The following ABHD2 variants were observed in gnomAD, a reference collection of about 807,000 sequenced individuals.
The protein encoded by ABHD2 is abhydrolase domain containing 2, acylglycerol lipase.
A neutral mutation model predicts 48.1 loss-of-function variants in ABHD2; 20 were observed. That is an observed-to-expected ratio of 0.42 (90% CI 0.29 to 0.60). The LOEUF (loss-of-function observed/expected upper bound fraction) is 0.60. Among genes scored for constraint, ABHD2 ranks in the 20% least tolerant of loss-of-function variants. The pLI, the probability that ABHD2 is intolerant of heterozygous loss-of-function variation, is 0.24. For synonymous variants in ABHD2, 209 were observed against 214.2 expected (o/e 0.98, Z 0.21); for missense variants, 405 against 550.9 (o/e 0.74, Z 2.65).
chr15:89,143,917 G>A (rs931651675), intron 3 of ABHD2, among the ~76,000 whole-genome samples: 1 of 152,000 alleles, frequency 6.6e-6, no homozygotes, highest in African/African-American at 2.4e-5. Flanking sequence ...TGGGACTCTT[G>A]TATGTTCCTG....
At chr15:89,148,145 CATAAA>C (rs1034733551) in intron 3 of ABHD2, among the ~76,000 whole-genome samples, 6 of 129,406 alleles carry the variant, frequency 4.6e-5, no homozygotes, top group Non-Finnish European at 6.7e-5. Flanking sequence ...AAAAAAACTA[CATAAA>C]ATAAAGTTAA....
chr15:89,099,868 C>T (rs149806492), intron 1 of ABHD2, among the ~76,000 whole-genome samples: 3,217 of 152,070 alleles, frequency 0.021, 107 homozygotes, highest in African/African-American at 0.072. Context: ...AAGATCATGC[C>T]GCTGCACTCC....
rs1024118936 is a variant in ABHD2, at chr15:89,176,439, G to T, written c.722+444G>T. Among the ~76,000 whole-genome samples, 1 of 152,146 alleles carries T rather than the reference G, an allele frequency of 6.6e-6. No homozygotes were observed. The highest frequency in any genetic ancestry group is 1.5e-5 in the Non-Finnish European group (1 of 68,014). On this transcript the variant is annotated intron_variant, in intron 6 of 10. Coordinates refer to ENST00000352732, the MANE Select transcript of ABHD2 (RefSeq NM_152924.5). The surrounding 1 kb of genome is among the most constrained non-coding windows in gnomAD (Gnocchi z 4.5). ...CCCAGATGGCATCTGGAAGGGATCT[G>T]TAGAAATCATTTAATCAGTGTCCTC...
intron 9 of ABHD2, among the ~76,000 whole-genome samples, chr15:89,191,812 A>G (rs2051310925): frequency 6.6e-6 from 1 of 151,962 alleles, no homozygotes; most frequent in Non-Finnish European, 1.5e-5. Context: ...TATTTTTAGT[A>G]GAGATGGGGT....
At chr15:89,119,802 T>C (rs1318291823) in intron 3 of ABHD2, among the ~76,000 whole-genome samples, 4 of 152,236 alleles carry the variant, frequency 2.6e-5, no homozygotes, top group Non-Finnish European at 5.9e-5. Flanking sequence ...CCATAGTCTT[T>C]TTCTGTGTCA....
Position 89,167,283 on chromosome 15 carries a change from A to G in ABHD2, c.539-8529A>G, listed in dbSNP as rs1165940727. On this transcript the variant is annotated intron_variant, in intron 5 of 10. Transcript: ENST00000352732. The surrounding 1 kb of genome is among the most constrained non-coding windows in gnomAD (Gnocchi z 5.5). Reference sequence around the variant, plus strand: ...ATTTTGAATTGTATTCATAGTTATGAATTGTGTTGCCTCTGCATTAAACAG... The same window carrying G: ...ATTTTGAATTGTATTCATAGTTATGGATTGTGTTGCCTCTGCATTAAACAG... 1.3e-5 allele frequency among the ~76,000 whole-genome samples: 2 copies of G among 152,188 alleles called. No individual in the cohort carries two copies. Among genetic ancestry groups the G allele is most frequent in the Non-Finnish European group, 2.9e-5 (2 of 68,028 alleles).
chr15:89,146,382 G>GTGTC lies in ABHD2; in HGVS notation c.195-5292_195-5291insCTGT. Among the ~76,000 whole-genome samples the GTGTC allele has an allele frequency of 6.7e-6, 1 of 148,432 alleles. No homozygotes were observed. On this transcript the variant is annotated intron_variant, in intron 3 of 10. Coordinates refer to ENST00000352732, the MANE Select transcript of ABHD2 (RefSeq NM_152924.5). The surrounding 1 kb of genome is among the most constrained non-coding windows in gnomAD (Gnocchi z 4.2). ...TGTGTGTGTGTGTGTGTGTGTGTGT[G>GTGTC]TGTGTGTGTGTGTGTGTACGTATGT...
chr15:89,108,358 C>T (rs1476308719), intron 1 of ABHD2, among the ~76,000 whole-genome samples: 2 of 152,190 alleles, frequency 1.3e-5, no homozygotes, highest in Non-Finnish European at 2.9e-5. Context: ...TCCATCTTCA[C>T]GTGGCCTCCT....
At chr15:89,086,461 C>T (rs571527849), upstream of ABHD2, among the ~76,000 whole-genome samples, 71 of 152,296 alleles carry the variant, frequency 4.7e-4, no homozygotes, top group South Asian at 0.014. Flanking sequence ...GTGGCCCAGG[C>T]TGGAGTGCAG....
the ABHD2 span, among the ~76,000 whole-genome samples, chr15:89,057,957 G>T: frequency 6.6e-6 from 1 of 152,096 alleles, no homozygotes; most frequent in Non-Finnish European, 1.5e-5. Context: ...CCAGGACTAG[G>T]ACTCCCTAGC....
rs1400243385 is a variant in ABHD2, at chr15:89,177,406, G to T, written c.722+1411G>T. Among the ~76,000 whole-genome samples, 1 of 152,196 alleles carries T rather than the reference G, an allele frequency of 6.6e-6. No individual in the cohort carries two copies. ...ACTAGTGACTGCCTCACTTCATAAG[G>T]AATCACTTGGAGGATCATGTTAGAA... On this transcript the variant is annotated intron_variant, in intron 6 of 10. Transcript: ENST00000352732. The surrounding 1 kb of genome is among the most constrained non-coding windows in gnomAD (Gnocchi z 5.6).
chr15:89,142,905 T>G (rs1477383872), intron 3 of ABHD2, among the ~76,000 whole-genome samples: 1 of 152,296 alleles, frequency 6.6e-6, no homozygotes, highest in East Asian at 1.9e-4. Context: ...ATTTTGAATA[T>G]AAATATTTTC....
At chr15:89,163,561 G>A (rs1451509686) in intron 5 of ABHD2, among the ~76,000 whole-genome samples, 4 of 152,258 alleles carry the variant, frequency 2.6e-5, no homozygotes, top group East Asian at 1.9e-4. Context: ...TGACTAGTGA[G>A]TGGCAGAACC....
Position 89,114,793 on chromosome 15 carries a change from G to A in ABHD2, c.-7+969G>A, listed in dbSNP as rs568731802. 1.3e-5 allele frequency among the ~76,000 whole-genome samples: 2 copies of A among 152,282 alleles called. No individual in the cohort carries two copies. Among genetic ancestry groups the A allele is most frequent in the South Asian group, 4.1e-4 (2 of 4,828 alleles). On this transcript the variant is annotated intron_variant, in intron 2 of 10. Coordinates refer to ENST00000352732, the MANE Select transcript of ABHD2 (RefSeq NM_152924.5). The surrounding 1 kb of genome is among the most constrained non-coding windows in gnomAD (Gnocchi z 4.2). ...CCATGGTGCCCAGCCCAGAAGTTAA[G>A]TTTTAGGAAAACTGTCTCCTCACAG...
At chr15:89,108,826 T>C (rs1039300367) in intron 1 of ABHD2, among the ~76,000 whole-genome samples, 2 of 152,236 alleles carry the variant, frequency 1.3e-5, no homozygotes, top group Non-Finnish European at 2.9e-5. Context: ...ATCTATGAAG[T>C]AGGCTGGAAA....
Position 89,120,376 on chromosome 15 carries a change from A to G in ABHD2, c.194+3855A>G, listed in dbSNP as rs1161052549. On this transcript the variant is annotated intron_variant, in intron 3 of 10. Transcript: ENST00000352732. The surrounding 1 kb of genome is among the most constrained non-coding windows in gnomAD (Gnocchi z 4.2). ...GTTCGGAATTATGACAAAAATCTAG[A>G]TAGTCATACAAATCTTTTTTTTTCA... 6.6e-6 allele frequency among the ~76,000 whole-genome samples: 1 copy of G among 152,216 alleles called. No homozygotes were observed. Among genetic ancestry groups the G allele is most frequent in the Non-Finnish European group, 1.5e-5 (1 of 68,038 alleles).
chr15:89,122,515 A>T (rs1251245710), intron 3 of ABHD2, among the ~76,000 whole-genome samples: 1 of 152,238 alleles, frequency 6.6e-6, no homozygotes, highest in East Asian at 1.9e-4. Context: ...GCTCTAGGGA[A>T]TCAGGTGTAC....
rs547152612 is a variant in ABHD2 at position 89,196,575 on chromosome 15, T to G, written c.*1152T>G. On this transcript the variant is annotated 3_prime_UTR_variant, in exon 11 of 11. Coordinates refer to ENST00000352732, the MANE Select transcript of ABHD2 (RefSeq NM_152924.5). ...GATATCATCGTTTGCCTTTTGTGTG[T>G]GTGTGTCCCTTATTTGATAAAAAGA... 9 of 152,276 alleles carry G rather than the reference T, an allele frequency of 5.9e-5. No individual in the cohort carries two copies. Among genetic ancestry groups the G allele is most frequent in the East Asian group, 1.9e-4 (1 of 5,188 alleles). The allele number at this position is 152,276 out of a possible 1,614,324, so 9.4% of individuals were successfully genotyped here. A position where few individuals can be genotyped will look rare whatever the true frequency, so the allele number is the denominator to read the frequency against.
At chr15:89,093,847 T>G (rs1173632848) in intron 1 of ABHD2, 2 of 152,274 alleles carry the variant, frequency 1.3e-5, no homozygotes, top group African/African-American at 2.4e-5. Flanking sequence ...TTTCTATGGC[T>G]AGGCTTATGT....
Sources: gnomAD v4.1 joint callset for allele counts (sites outside exome capture counted in the v4.1 genomes callset) on GRCh38, gnomAD v4.1.1 for gene constraint, Gnocchi (gnomAD v3.1) non-coding constraint, MANE v1.5 for transcripts, NCBI Gene and HGNC (gene_info 2026-07-23, HGNC 2026-07-21) for gene names.